The following EPM2A variants were observed in gnomAD, a reference collection of about 807,000 sequenced individuals.
EPM2A encodes the protein EPM2A glucan phosphatase, laforin, also known as laforin.
In EPM2A, 21 loss-of-function variants were observed where a neutral mutation model predicts 26.5. The ratio of observed to expected loss-of-function variants is 0.79; its 90% confidence interval spans 0.56 to 1.14. The LOEUF (loss-of-function observed/expected upper bound fraction) is 1.14. Ranked by LOEUF, EPM2A falls within the 50% of genes most tolerant of loss-of-function variation. The probability of loss-of-function intolerance (pLI) is 0.00; values close to 1 mark genes in which losing one functional copy is unlikely to be tolerated. For missense variants in EPM2A, 458 were observed against 440.8 expected (o/e 1.04, Z -0.35); for synonymous variants, 217 against 177.6 (o/e 1.22, Z -1.76).
At chr6:145,578,303 A>C (rs1036927410) in intron 2 of EPM2A, among the ~76,000 whole-genome samples, 1 of 152,146 alleles carries the variant, frequency 6.6e-6, no homozygotes, top group African/African-American at 2.4e-5. Context: ...TGCCAGACTA[A>C]CTTGAAATAC....
downstream of EPM2A, among the ~76,000 whole-genome samples, chr6:145,500,579 C>A (rs1034905742): frequency 2.6e-5 from 4 of 152,172 alleles, no homozygotes; most frequent in African/African-American, 9.7e-5. Context: ...AGAATCAGGT[C>A]ATTTTCTTGA....
At chr6:145,464,317 G>A (rs966539225) in intron 4 of EPM2A, among the ~76,000 whole-genome samples, 1 of 152,108 alleles carries the variant, frequency 6.6e-6, no homozygotes, top group Non-Finnish European at 1.5e-5. Context: ...ATGCAGAGCT[G>A]TAAGTCAATT....
intron 2 of EPM2A, among the ~76,000 whole-genome samples, chr6:145,597,263 T>C (rs1781358759): frequency 6.6e-6 from 1 of 152,192 alleles, no homozygotes; most frequent in Non-Finnish European, 1.5e-5. Flanking sequence ...TTCTTTATCA[T>C]GTTCCCAAGA....
At chr6:145,599,095 T>C (rs1251776016) in intron 2 of EPM2A, among the ~76,000 whole-genome samples, 1 of 152,222 alleles carries the variant, frequency 6.6e-6, no homozygotes, top group East Asian at 1.9e-4. Flanking sequence ...TCGGGCTATT[T>C]TTCCAGTTTT....
intron 2 of EPM2A, among the ~76,000 whole-genome samples, chr6:145,669,144 G>A (rs1779460439): frequency 6.6e-6 from 1 of 151,898 alleles, no homozygotes; most frequent in South Asian, 2.1e-4. Flanking sequence ...CATCCAAAGA[G>A]AAAAATTAAA....
chr6:145,539,660 C>T (rs1419628105), intron 2 of EPM2A, among the ~76,000 whole-genome samples: 1 of 152,174 alleles, frequency 6.6e-6, no homozygotes, highest in Non-Finnish European at 1.5e-5. Flanking sequence ...GATGAAGGGA[C>T]TATAGTTTTG....
intron 1 of EPM2A, among the ~76,000 whole-genome samples, chr6:145,693,425 T>C (rs909243885): frequency 6.6e-6 from 1 of 151,948 alleles, no homozygotes; most frequent in Non-Finnish European, 1.5e-5. Flanking sequence ...AGAAATAACT[T>C]AGAAAGTCTA....
intron 2 of EPM2A, among the ~76,000 whole-genome samples, chr6:145,554,459 G>GATAGATAGATAGATAGATAGATACATAC (rs1187061981): frequency 4.0e-5 from 6 of 151,494 alleles, no homozygotes; most frequent in African/African-American, 1.5e-4. Context: ...TAGATAGATA[G>GATAGATAGATAGATAGATAGATACATAC]ATAGATAGAT....
intron 1 of EPM2A, 145 bp from the exon 2 acceptor site, chr6:145,686,441 C>G (rs975940856): frequency 1.4e-6 from 1 of 702,450 alleles, no homozygotes; most frequent in African/African-American, 1.8e-5. Context: ...ACAAAAAAGA[C>G]TAGAGTGAAA....
At chr6:145,676,950 A>T (rs542235210) in intron 2 of EPM2A, among the ~76,000 whole-genome samples, 2 of 152,346 alleles carry the variant, frequency 1.3e-5, no homozygotes, top group South Asian at 4.1e-4. Context: ...TCATCCTGAT[A>T]CCAAAGCCTG....
intron 2 of EPM2A, among the ~76,000 whole-genome samples, chr6:145,663,630 T>C (rs917878778): frequency 4.6e-5 from 7 of 150,556 alleles, no homozygotes; most frequent in East Asian, 2.0e-4. Context: ...TCTAGCAAGG[T>C]AGGCCAACGT....
At chr6:145,717,763 A>G (rs1775718170) in intron 1 of EPM2A, among the ~76,000 whole-genome samples, 1 of 150,336 alleles carries the variant, frequency 6.7e-6, no homozygotes, top group African/African-American at 2.4e-5. Context: ...AAGCAACTTC[A>G]GCAAAGTCTC....
intron 4 of EPM2A, among the ~76,000 whole-genome samples, chr6:145,406,074 C>T (rs1778565392): frequency 6.6e-6 from 1 of 151,784 alleles, no homozygotes; most frequent in Non-Finnish European, 1.5e-5. Flanking sequence ...CTTTTTTACA[C>T]CATGCAAATA....
At chr6:145,407,073 G>A (rs544639237) in intron 4 of EPM2A, among the ~76,000 whole-genome samples, 95 of 152,166 alleles carry the variant, frequency 6.2e-4, no homozygotes, top group Non-Finnish European at 1.1e-3. Context: ...CTGACCGTGC[G>A]ATCCCCAGCT....
intron 4 of EPM2A, among the ~76,000 whole-genome samples, chr6:145,400,295 T>C (rs1349893965): frequency 6.6e-6 from 1 of 152,096 alleles, no homozygotes; most frequent in Non-Finnish European, 1.5e-5. Context: ...ACTGAATTAA[T>C]CCCCTCTTGT....
At chr6:145,571,715 T>C (rs1015611999) in intron 2 of EPM2A, among the ~76,000 whole-genome samples, 4 of 152,196 alleles carry the variant, frequency 2.6e-5, no homozygotes, top group African/African-American at 9.6e-5. Flanking sequence ...CAGGTCAGCC[T>C]TGGTGAGTGG....
intron 2 of EPM2A, among the ~76,000 whole-genome samples, chr6:145,581,102 C>G (rs1781106617): frequency 6.6e-6 from 1 of 152,182 alleles, no homozygotes; most frequent in Non-Finnish European, 1.5e-5. Context: ...AGCTGCTGAA[C>G]TAATTTACAT....
intron 4 of EPM2A, among the ~76,000 whole-genome samples, chr6:145,388,244 A>T (rs190205730): frequency 2.0e-5 from 3 of 152,228 alleles, no homozygotes; most frequent in Admixed American, 1.3e-4. Context: ...TACTAGTAAA[A>T]GCTAAGTTCT....
intron 1 of EPM2A, among the ~76,000 whole-genome samples, chr6:145,701,754 A>C (rs1260403043): frequency 6.6e-6 from 1 of 152,230 alleles, no homozygotes; most frequent in Non-Finnish European, 1.5e-5. Context: ...TGGAGGATAA[A>C]TCATATTTCC....
Sources: allele counts gnomAD v4.1 joint callset (sites outside exome capture counted in the v4.1 genomes callset), GRCh38; gene constraint gnomAD v4.1.1; transcripts MANE v1.5; gene names NCBI Gene and HGNC (gene_info 2026-07-23, HGNC 2026-07-21).